CDC73: variants seen among roughly 807,000 people sequenced by gnomAD.
The protein encoded by CDC73 is cell division cycle 73, also known as parafibromin.
CDC73 carries 21 observed loss-of-function variants against 83.7 expected under a neutral mutation model. The ratio of observed to expected loss-of-function variants is 0.25; its 90% confidence interval spans 0.18 to 0.36. CDC73 has a LOEUF of 0.36. Among genes scored for constraint, CDC73 ranks in the 10% least tolerant of loss-of-function variants. The probability of loss-of-function intolerance (pLI) is 1.00; values close to 1 mark genes in which losing one functional copy is unlikely to be tolerated. For missense variants in CDC73, 342 were observed against 653.3 expected, an observed-to-expected ratio of 0.52 and a Z score of 5.19; for synonymous variants, 224 against 212.9, an observed-to-expected ratio of 1.05 and a Z score of -0.45.
chr1:193,250,724 C>A lies in CDC73; in HGVS notation c.*12C>A, dbSNP rs193025205. 2.5e-3 allele frequency: 3,994 copies of A among 1,605,314 alleles called. 4 individuals are homozygous for A. Among genetic ancestry groups the A allele is most frequent in the Non-Finnish European group, 3.1e-3 (3,641 of 1,172,726 alleles). The stretch of plus-strand genomic sequence containing the variant: ...ACTTGAGATTCTGAATTATTTGGCT[C>A]CTCCATTTCTGGAAATTGAGACTCA... On this transcript the variant is annotated 3_prime_UTR_variant, in exon 17 of 17. Coordinates refer to ENST00000367435, the MANE Select transcript of CDC73 (RefSeq NM_024529.5).
At chr1:193,202,451 G>T (rs887463634) in intron 10 of CDC73, among the ~76,000 whole-genome samples, 1 of 151,452 alleles carries the variant, frequency 6.6e-6, no homozygotes, top group Non-Finnish European at 1.5e-5. Flanking sequence ...TATAACTGGA[G>T]GAAAACCATA....
intron 10 of CDC73, among the ~76,000 whole-genome samples, chr1:193,181,864 A>G (rs943333463): frequency 6.6e-6 from 1 of 152,144 alleles, no homozygotes; most frequent in Non-Finnish European, 1.5e-5. Flanking sequence ...TTAAAAATAT[A>G]CCTTTGTAGC....
chr1:193,225,054 T>A (rs977162269), intron 13 of CDC73, among the ~76,000 whole-genome samples: 1 of 151,582 alleles, frequency 6.6e-6, no homozygotes, highest in Non-Finnish European at 1.5e-5. Flanking sequence ...TCCCCCTGCA[T>A]CCCCAAAGTC....
Position 193,254,455 on chromosome 1 carries a change from G to A in CDC73, c.*3743G>A, listed in dbSNP as rs1309837563. Among the ~76,000 whole-genome samples the A allele has an allele frequency of 6.6e-6, 1 of 152,068 alleles. No homozygotes were observed. On this transcript the variant is annotated 3_prime_UTR_variant, in exon 17 of 17. Transcript: ENST00000367435. ...AATAAAAAGTGGAGAAATGACTAAA[G>A]TTGACTTAAGTTAAGAATTGGAGTG...
intron 10 of CDC73, among the ~76,000 whole-genome samples, chr1:193,193,268 G>A (rs926126754): frequency 1.3e-5 from 2 of 152,198 alleles, no homozygotes; most frequent in Non-Finnish European, 1.5e-5. Flanking sequence ...GCTACAAGGG[G>A]TTGTGAGATG....
chr1:193,247,096 G>T (rs74130941), intron 15 of CDC73, among the ~76,000 whole-genome samples: 8,154 of 152,138 alleles, frequency 0.054, 513 homozygotes, highest in African/African-American at 0.15. Flanking sequence ...TGCTTTATCA[G>T]GCTTTGCAGA....
intron 10 of CDC73, among the ~76,000 whole-genome samples, chr1:193,202,941 A>G (rs1318513441): frequency 2.0e-5 from 3 of 151,986 alleles, no homozygotes; most frequent in Non-Finnish European, 4.4e-5. Context: ...TTTAATTTTT[A>G]TATATTTATG....
At chr1:193,243,311 A>T (rs1055420402) in intron 15 of CDC73, among the ~76,000 whole-genome samples, 7 of 152,130 alleles carry the variant, frequency 4.6e-5, no homozygotes, top group Admixed American at 2.0e-4. Flanking sequence ...GATTTTTTTT[A>T]ATGATAATAT....
chr1:193,148,921 T>C (rs1449308732), intron 8 of CDC73, among the ~76,000 whole-genome samples: 1 of 152,092 alleles, frequency 6.6e-6, no homozygotes, highest in Non-Finnish European at 1.5e-5. Flanking sequence ...AAACCTTCTA[T>C]ATTTTTAAAA....
chr1:193,183,474 A>G (rs1051661043), intron 10 of CDC73, among the ~76,000 whole-genome samples: 14 of 150,110 alleles, frequency 9.3e-5, no homozygotes, highest in African/African-American at 3.4e-4. Context: ...CATTAGTGTA[A>G]TGAAAACCAA....
At chr1:193,195,576 C>T (rs1676989863) in intron 10 of CDC73, among the ~76,000 whole-genome samples, 2 of 152,132 alleles carry the variant, frequency 1.3e-5, no homozygotes, top group South Asian at 4.1e-4. Context: ...TACCATCATA[C>T]ACTTTTCACA....
chr1:193,172,561 A>G (rs1676533868), intron 10 of CDC73, among the ~76,000 whole-genome samples: 1 of 152,170 alleles, frequency 6.6e-6, no homozygotes, highest in Non-Finnish European at 1.5e-5. Context: ...ACATAAATGA[A>G]GAGTTCTCTT....
chr1:193,250,458 ATAT>A (rs1370677920), intron 16 of CDC73, among the ~76,000 whole-genome samples: 1 of 151,770 alleles, frequency 6.6e-6, no homozygotes, highest in African/African-American at 2.4e-5. Flanking sequence ...TGTGAAACAT[ATAT>A]TATTTTAGCT....
intron 10 of CDC73, among the ~76,000 whole-genome samples, chr1:193,156,776 ACT>A (rs1163019179): frequency 6.6e-6 from 1 of 151,340 alleles, no homozygotes; most frequent in African/African-American, 2.4e-5. Flanking sequence ...GATAATGGAG[ACT>A]CTCTTAAAAG....
rs1413549005 is a variant in CDC73 at position 193,133,214 on chromosome 1, A to G, written c.308-2177A>G. ...CCGCGCCTGGCAGTTTTTATAGGACAGAGTTAGTCACTAAGCGTATTGCTT... is the reference window on the plus strand; with the variant it reads ...CCGCGCCTGGCAGTTTTTATAGGACGGAGTTAGTCACTAAGCGTATTGCTT... On this transcript the variant is annotated intron_variant, in intron 3 of 16. Transcript: ENST00000367435. Among the ~76,000 whole-genome samples, 3 of 152,090 alleles carry G rather than the reference A, an allele frequency of 2.0e-5. No individual in the cohort carries two copies. The South Asian group carries it at 6.2e-4, about 32-fold the overall frequency.
At chr1:193,176,362 A>G (rs1172591121) in intron 10 of CDC73, among the ~76,000 whole-genome samples, 1 of 152,208 alleles carries the variant, frequency 6.6e-6, no homozygotes, top group South Asian at 2.1e-4. Flanking sequence ...AGGCTTGGTC[A>G]TGGATACTGA....
At chr1:193,241,272 G>A (rs528750408) in intron 15 of CDC73, among the ~76,000 whole-genome samples, 11 of 152,308 alleles carry the variant, frequency 7.2e-5, no homozygotes, top group Admixed American at 2.6e-4. Flanking sequence ...TATAAACAGC[G>A]TCAGTGGTGT....
chr1:193,252,268 TAAAAG>T lies in CDC73; in HGVS notation c.*1561_*1565del, dbSNP rs557118447. 3.5e-5 allele frequency: 8 copies of T among 230,758 alleles called. No individual in the cohort carries two copies. Among genetic ancestry groups the T allele is most frequent in the South Asian group, 3.6e-4 (2 of 5,502 alleles). The allele number at this position is 230,758 out of a possible 1,614,324, so 14.3% of individuals were successfully genotyped here. A position where few individuals can be genotyped will look rare whatever the true frequency, so the allele number is the denominator to read the frequency against. ...TTTTAGCGTCTTCTTTCCTTAAAGATAAAAGAAAACTCAAATTTGTTTACATTAGG... is the reference window on the plus strand; with the variant it reads ...TTTTAGCGTCTTCTTTCCTTAAAGATAAAACTCAAATTTGTTTACATTAGG... On this transcript the variant is annotated 3_prime_UTR_variant, in exon 17 of 17. Transcript: ENST00000367435.
intron 10 of CDC73, among the ~76,000 whole-genome samples, chr1:193,190,042 A>G (rs1273889601): frequency 6.6e-6 from 1 of 152,140 alleles, no homozygotes; most frequent in Non-Finnish European, 1.5e-5. Context: ...GTCTTCTTAT[A>G]TTGGTCTCCT....
Sources: gnomAD v4.1 joint callset for allele counts (sites outside exome capture counted in the v4.1 genomes callset) on GRCh38, gnomAD v4.1.1 for gene constraint, MANE v1.5 for transcripts, NCBI Gene and HGNC (gene_info 2026-07-23, HGNC 2026-07-21) for gene names.